URB2: variants seen among roughly 807,000 people sequenced by gnomAD.
URB2 encodes URB2 ribosome biogenesis homolog, also known as unhealthy ribosome biogenesis protein 2 homolog.
Under a neutral mutation model 120.9 loss-of-function variants are expected in URB2, and 86 were observed. The observed-to-expected ratio is 0.71, with a 90% CI of 0.60 to 0.85. The LOEUF is 0.85. Ranked by LOEUF, URB2 falls within the 40% of genes least tolerant of loss-of-function variation. URB2 has a pLI of 0.00. For missense variants in URB2, 1,765 were observed against 1,836.5 expected (o/e 0.96, Z 0.71); for synonymous variants, 755 against 758.4 (o/e 1.00, Z 0.07).
rs146092456 is a variant in URB2 at position 229,659,058 on chromosome 1, C to T, written c.4378-42C>T. On this transcript the variant is annotated intron_variant, in intron 9 of 9. Transcript: ENST00000258243. The stretch of plus-strand genomic sequence containing the variant: ...GTTGGCAGGTGGTGCGGCTTGATCT[C>T]TGCCCCCAATTGTTCTCACAGAGGT... 308 of 1,585,690 alleles carry T rather than the reference C, an allele frequency of 1.9e-4. 1 individual carries two copies. In the African/African-American group the frequency reaches 2.6e-3, roughly 13 times the overall value.
In URB2 at chr1:229,635,047, T is replaced by G; in HGVS notation, c.434T>G (p.Leu145Arg). 1 of 1,614,138 alleles carries G rather than the reference T, an allele frequency of 6.2e-7. No individual in the cohort carries two copies. Among genetic ancestry groups the G allele is most frequent in the Non-Finnish European group, 8.5e-7 (1 of 1,179,992 alleles). Residue 145 changes from leucine (L) to arginine (R), a missense_variant, in exon 4 of 10, where the codon CTG (leucine) becomes CGG (arginine). By Grantham distance (102) the Leu-to-Arg change is moderately radical. Transcript: ENST00000258243. ...GTCATCTACACGGCCAAACAGGAGCTGATGGTGGCCTTGCTGAGCCAGCTT... is the reference window on the plus strand; with the variant it reads ...GTCATCTACACGGCCAAACAGGAGCGGATGGTGGCCTTGCTGAGCCAGCTT... ...LAVIYTAKQE[L>R]MVALLSQLCW...
intron 8 of URB2, among the ~76,000 whole-genome samples, chr1:229,653,448 T>A (rs763826622): frequency 1.6e-4 from 24 of 152,234 alleles, no homozygotes; most frequent in Non-Finnish European, 2.8e-4. Flanking sequence ...CAGTTTTTTC[T>A]CCACTCTGGT....
chr1:229,636,400 A>G lies in URB2; in HGVS notation c.1787A>G (p.Glu596Gly). 1 of 1,614,244 alleles carries G rather than the reference A, an allele frequency of 6.2e-7. No individual in the cohort carries two copies. ...LLPDTPGPEPELWLQKVSDSV... is the reference protein window; with the variant it reads ...LLPDTPGPEPGLWLQKVSDSV... ...CCGGACACCCCAGGCCCAGAGCCAG[A>G]GCTGTGGCTGCAGAAGGTCAGTGAC... The change falls in exon 4 of 10, where the codon GAG becomes GGG. Residue 596 changes from glutamate to glycine, a missense_variant. Coordinates refer to ENST00000258243, the MANE Select transcript of URB2 (RefSeq NM_014777.4).
chr1:229,647,944 T>C (rs1318268953), intron 7 of URB2, among the ~76,000 whole-genome samples, 192 bp downstream of exon 7: 2 of 152,232 alleles, frequency 1.3e-5, no homozygotes, highest in Non-Finnish European at 2.9e-5. Context: ...TCGACCTTCA[T>C]ACTGGGTTTG....
intron 3 of URB2, among the ~76,000 whole-genome samples, chr1:229,634,311 T>A (rs1002618363): frequency 4.6e-5 from 7 of 151,840 alleles, no homozygotes; most frequent in African/African-American, 1.7e-4. Flanking sequence ...GTTCAAGCAG[T>A]TCTCCTGCCT....
Position 229,637,692 on chromosome 1 carries a change from A to T in URB2, c.3079A>T (p.Thr1027Ser). Residue 1027 changes from threonine (T) to serine (S), a missense_variant, in exon 4 of 10, where the codon ACC becomes TCC. By Grantham distance (58) the Thr-to-Ser change is moderately conservative. Transcript: ENST00000258243. ...LSLVLNFRKI[T>S]AFLSSSKPYT... Reference sequence around the variant, plus strand: ...CTTGGTGCTCAATTTTAGAAAAATCACCGCATTCCTCTCTAGTTCCAAACC... The same window carrying T: ...CTTGGTGCTCAATTTTAGAAAAATCTCCGCATTCCTCTCTAGTTCCAAACC... 1.2e-6 allele frequency: 2 copies of T among 1,614,246 alleles called. No individual in the cohort carries two copies. Among genetic ancestry groups the T allele is most frequent in the South Asian group, 2.2e-5 (2 of 91,084 alleles).
At position 229,637,159 on chromosome 1, in the gene URB2, T is replaced by C. The variant is rs1192459279; in HGVS notation, c.2546T>C (p.Val849Ala). ...CTTTTTGAAAAGGACCACATGGTTG[T>C]GGGTCATTGGGAAAACAGATTTGCA... ...PWLFEKDHMVVGHWENRFAKA... is the reference protein window; with the variant it reads ...PWLFEKDHMVAGHWENRFAKA... The change falls in exon 4 of 10, where the codon GTG becomes GCG. Residue 849 changes from valine (V) to alanine (A), a missense_variant. Coordinates refer to ENST00000258243, the MANE Select transcript of URB2 (RefSeq NM_014777.4). 3 of 1,613,748 alleles carry C rather than the reference T, an allele frequency of 1.9e-6. No homozygotes were observed. The highest frequency in any genetic ancestry group is 2.5e-6 in the Non-Finnish European group (3 of 1,179,818).
intron 9 of URB2, among the ~76,000 whole-genome samples, chr1:229,656,500 A>G (rs779928153): frequency 6.6e-5 from 10 of 152,234 alleles, no homozygotes; most frequent in African/African-American, 9.6e-5. Flanking sequence ...TCCATGTTCT[A>G]TCTTTCATTT....
Position 229,636,213 on chromosome 1 carries a change from G to T in URB2, c.1600G>T (p.Asp534Tyr), listed in dbSNP as rs372899890. The stretch of plus-strand genomic sequence containing the variant: ...CTTGCCCTATTTGCAGAGTGATGCC[G>T]ACATGGCCCTGAAATCACTGTCACT... The part of the protein sequence containing the change: ...LVLPYLQSDA[D>Y]MALKSLSLSL... The change falls in exon 4 of 10, where the codon GAC becomes TAC. Residue 534 changes from aspartate to tyrosine, a missense_variant. Transcript: ENST00000258243. 6.2e-7 allele frequency: 1 copy of T among 1,613,064 alleles called. No homozygotes were observed. The highest frequency in any genetic ancestry group is 8.5e-7 in the Non-Finnish European group (1 of 1,179,126).
intron 3 of URB2, among the ~76,000 whole-genome samples, chr1:229,632,865 G>A: frequency 7.0e-6 from 1 of 143,572 alleles, no homozygotes; most frequent in East Asian, 2.1e-4. Flanking sequence ...AGTGCCACTA[G>A]TGGCTTGGCC....
intron 4 of URB2, 93 bp from the exon 5 acceptor site, chr1:229,643,440 G>A (rs1666060279): frequency 6.9e-7 from 1 of 1,456,568 alleles, no homozygotes; most frequent in African/African-American, 1.4e-5. Flanking sequence ...ATTTTTGATG[G>A]CGGCCACAGC....
intron 6 of URB2, among the ~76,000 whole-genome samples, chr1:229,646,926 T>A (rs1176559989): frequency 2.6e-5 from 4 of 152,224 alleles, no homozygotes; most frequent in Non-Finnish European, 5.9e-5. Flanking sequence ...TAATATTCTC[T>A]CTTGTTTCCA....
chr1:229,659,626 G>A lies in URB2; in HGVS notation c.*329G>A, dbSNP rs1326975872. 2.4e-5 allele frequency: 5 copies of A among 204,286 alleles called. No homozygotes were observed. In the East Asian group the frequency reaches 3.5e-4, roughly 14 times the overall value. 12.7% of individuals were successfully genotyped at this position (204,286 alleles called of 1,614,324 possible). A position where few individuals can be genotyped will look rare whatever the true frequency, so the allele number is the denominator to read the frequency against. On this transcript the variant is annotated 3_prime_UTR_variant, in exon 10 of 10. Transcript: ENST00000258243. Reference sequence around the variant, plus strand: ...TGGCTCAGTGGTTTGGTGTTCCCTCGTCTGCACTGGAAACTACATAAAACT... The same window carrying A: ...TGGCTCAGTGGTTTGGTGTTCCCTCATCTGCACTGGAAACTACATAAAACT...
intron 2 of URB2, among the ~76,000 whole-genome samples, 195 bp downstream of exon 2, chr1:229,627,954 T>TA (rs934214361): frequency 6.6e-6 from 1 of 151,168 alleles, no homozygotes; most frequent in African/African-American, 2.4e-5. Context: ...TTTTTTCTGT[T>TA]AAAAAACCTC....
Position 229,635,341 on chromosome 1 carries a change from G to A in URB2, c.728G>A (p.Gly243Glu), listed in dbSNP as rs776313298. The change falls in exon 4 of 10, where the codon GGA (glycine) becomes GAA (glutamate). Residue 243 changes from glycine to glutamate, a missense_variant. Physicochemically the swap from Gly to Glu is moderately conservative, Grantham distance 98. Coordinates refer to ENST00000258243, the MANE Select transcript of URB2 (RefSeq NM_014777.4). ...AGTCAGATTGAGGCCATGTTCCGAG[G>A]AGGGATTTTTCAGCCTGAGCTACTG... is the stretch of plus-strand genomic sequence containing the variant. ...IRSQIEAMFR[G>E]GIFQPELLSS... The A allele has an allele frequency of 1.9e-6, 3 of 1,614,192 alleles. No individual in the cohort carries two copies. The South Asian group carries it at 3.3e-5, about 18-fold the overall frequency.
chr1:229,636,155 G>T lies in URB2; in HGVS notation c.1542G>T (p.Trp514Cys), dbSNP rs1418931668. The change falls in exon 4 of 10, where the codon TGG becomes TGT. Residue 514 changes from tryptophan to cysteine, a missense_variant. Coordinates refer to ENST00000258243, the MANE Select transcript of URB2 (RefSeq NM_014777.4). ...CTCCAAGTCAGATCCTGGACACGTG[G>T]TCCCTTGTGCTGGAGAAGTTCCAGT... ...ELPPSQILDT[W>C]SLVLEKFQSL... is the part of the protein sequence containing the mutation. The T allele has an allele frequency of 1.2e-6, 2 of 1,614,250 alleles. No homozygotes were observed. Among genetic ancestry groups the T allele is most frequent in the East Asian group, 4.5e-5 (2 of 44,886 alleles).
At position 229,637,184 on chromosome 1, in the gene URB2, A is replaced by G. The variant is rs1483981144; in HGVS notation, c.2571A>G (p.Ala857=). Residue 857 remains alanine, a synonymous_variant, in exon 4 of 10, where the codon GCA becomes GCG. Transcript: ENST00000258243. ...MVVGHWENRF[A]KAGPEGIEPR... is the part of the protein sequence containing the mutation. ...TGGGTCATTGGGAAAACAGATTTGC[A>G]AAAGCTGGACCCGAAGGTATAGAAC... 2 of 1,613,748 alleles carry G rather than the reference A, an allele frequency of 1.2e-6. No homozygotes were observed. The highest frequency in any genetic ancestry group is 1.7e-5 in the Admixed American group (1 of 59,982).
chr1:229,627,766 T>A lies in URB2; in HGVS notation c.126+7T>A, dbSNP rs1456345167. 2 of 1,604,740 alleles carry A rather than the reference T, an allele frequency of 1.2e-6. No homozygotes were observed. Among genetic ancestry groups the A allele is most frequent in the South Asian group, 2.3e-5 (2 of 88,764 alleles). ...TCTTCCAAATAAAGAACAAGTAAGT[T>A]TAATGTGAAACTCATATTTTTACAG... On this transcript the variant is annotated splice_region_variant and intron_variant, in intron 2 of 9. Coordinates refer to ENST00000258243, the MANE Select transcript of URB2 (RefSeq NM_014777.4).
chr1:229,638,757 G>A (rs143590430), intron 4 of URB2, among the ~76,000 whole-genome samples: 22 of 152,256 alleles, frequency 1.4e-4, no homozygotes, highest in African/African-American at 4.6e-4. Context: ...AGCAATTACT[G>A]CTACAACGGT....
Sources: allele counts gnomAD v4.1 joint callset (sites outside exome capture counted in the v4.1 genomes callset), GRCh38; gene constraint gnomAD v4.1.1; transcripts MANE v1.5; gene names NCBI Gene and HGNC (gene_info 2026-07-23, HGNC 2026-07-21).